Variants in HERC1 observed in about 807,000 individuals in gnomAD.
HERC1 encodes HECT and RLD domain containing E3 ubiquitin protein ligase family member 1.
In HERC1, 160 loss-of-function variants were observed where a neutral mutation model predicts 554.3. That is an observed-to-expected ratio of 0.29 (90% CI 0.25 to 0.33). The LOEUF is 0.33. Among genes scored for constraint, HERC1 ranks in the 10% least tolerant of loss-of-function variants. The pLI is 1.00. For missense variants in HERC1, 4,919 were observed against 5,918.5 expected (o/e 0.83, Z 5.54); for synonymous variants, 2,175 against 2,131.7 (o/e 1.02, Z -0.56).
intron 4 of HERC1, among the ~76,000 whole-genome samples, chr15:63,757,950 C>A (rs2075485392): frequency 6.6e-6 from 1 of 152,064 alleles, no homozygotes; most frequent in African/African-American, 2.4e-5. Context: ...CCTCGTGATC[C>A]ACCTGCCTCA....
At position 63,637,454 on chromosome 15, in the gene HERC1, C is replaced by T. The variant is rs370359120; in HGVS notation, c.12232+51G>A. ...AAGGGCAAAGGTTTGTACGACCAAA[C>T]CTACATTAGGCCTTAGGTTCTAACC... is the stretch of plus-strand genomic sequence containing the variant. On this transcript the variant is annotated intron_variant, in intron 64 of 77. Transcript: ENST00000443617. 6.7e-5 allele frequency: 100 copies of T among 1,500,498 alleles called. No individual in the cohort carries two copies. In the African/African-American group the frequency reaches 1.3e-3, roughly 19 times the overall value. 92.9% of individuals were successfully genotyped at this position (1,500,498 alleles called of 1,614,324 possible).
chr15:63,703,714 G>A (rs560808775), intron 25 of HERC1, among the ~76,000 whole-genome samples: 6 of 151,862 alleles, frequency 4.0e-5, no homozygotes, highest in East Asian at 1.9e-4. Context: ...GCGAAACCCC[G>A]TTTCTACAAA....
Position 63,626,126 on chromosome 15 carries a change from C to G in HERC1, c.13134G>C (p.Leu4378=). 6.2e-7 allele frequency: 1 copy of G among 1,613,654 alleles called. No individual in the cohort carries two copies. Among genetic ancestry groups the G allele is most frequent in the Non-Finnish European group, 8.5e-7 (1 of 1,179,790 alleles). Residue 4378 remains leucine, a synonymous_variant, in exon 71 of 78, where the codon CTG becomes CTC. Transcript: ENST00000443617. The part of the protein sequence containing the change: ...PGVSVPLQLG[L]PDTVPPQYGA... ...CATACTGGGGGGGCACTGTGTCAGG[C>G]AGGCCCAGCTGCAGAGGTACTGACA...
Position 63,677,783 on chromosome 15 carries a change from G to A in HERC1, c.7070+62C>T. ...AATACATAATTACTCACTGTCGACA[G>A]GCAATGGCCTATTTCACCATTAAAT... On this transcript the variant is annotated intron_variant, in intron 37 of 77. Coordinates refer to ENST00000443617, the MANE Select transcript of HERC1 (RefSeq NM_003922.4). This position sits in a 1 kb window ranked among gnomAD's most constrained non-coding sequence, Gnocchi z 4.4. 4 of 1,550,478 alleles carry A rather than the reference G, an allele frequency of 2.6e-6. No homozygotes were observed. The South Asian group carries it at 5.0e-5, about 19-fold the overall frequency.
intron 74 of HERC1, among the ~76,000 whole-genome samples, chr15:63,617,155 C>CCCCGCT (rs373121321): frequency 0.01 from 1,583 of 152,276 alleles, 17 homozygotes; most frequent in Middle Eastern, 0.017. Context: ...TGCTATCCCT[C>CCCCGCT]CCCGCTCCCC....
intron 1 of HERC1, among the ~76,000 whole-genome samples, chr15:63,813,056 T>C (rs1217238916): frequency 6.6e-6 from 1 of 152,182 alleles, no homozygotes; most frequent in Non-Finnish European, 1.5e-5. Context: ...ATCAACGATA[T>C]TGAGATACAT....
chr15:63,691,445 GAC>G (rs760240544), intron 31 of HERC1, among the ~76,000 whole-genome samples: 2 of 151,726 alleles, frequency 1.3e-5, no homozygotes, highest in African/African-American at 2.4e-5. Flanking sequence ...CAGCCTGGGC[GAC>G]ACAGAGAGCC....
intron 24 of HERC1, among the ~76,000 whole-genome samples, chr15:63,711,393 G>C (rs2073287250): frequency 6.6e-6 from 1 of 152,148 alleles, no homozygotes; most frequent in South Asian, 2.1e-4. Flanking sequence ...TTAACTGACA[G>C]AGAAATAAAT....
At chr15:63,615,732 G>A (rs1212167875) in intron 76 of HERC1, 36 bp downstream of exon 76, 3 of 1,530,242 alleles carry the variant, frequency 2.0e-6, no homozygotes, top group Non-Finnish European at 2.6e-6. Context: ...AGAAACCCAA[G>A]CATTCATGTG....
rs575459854 is a variant in HERC1, at chr15:63,692,274, A to T, written c.5830+137T>A. 341 of 597,240 alleles carry T rather than the reference A, an allele frequency of 5.7e-4. 3 individuals are homozygous for T. Among genetic ancestry groups the T allele is most frequent in the Non-Finnish European group, 5.7e-5 (21 of 369,378 alleles). 37.0% of individuals were successfully genotyped at this position (597,240 alleles called of 1,614,324 possible). On this transcript the variant is annotated intron_variant, in intron 31 of 77. Transcript: ENST00000443617. The surrounding 1 kb of genome is among the most constrained non-coding windows in gnomAD (Gnocchi z 4.7). ...TGAAATTAGAGTTTTCTTTTGATCA[A>T]ATAGGTACGCAGAAAATAAGAAAGA...
intron 60 of HERC1, 56 bp downstream of exon 60, chr15:63,641,414 C>A: frequency 2.7e-6 from 4 of 1,456,524 alleles, no homozygotes; most frequent in African/African-American, 2.8e-5. Context: ...AGGCTATAAT[C>A]ACATTCCAAA....
intron 1 of HERC1, among the ~76,000 whole-genome samples, chr15:63,799,712 T>C (rs375403633): frequency 7.9e-5 from 12 of 152,156 alleles, no homozygotes; most frequent in East Asian, 3.9e-4. Flanking sequence ...GACAATAAAA[T>C]GCCAAAAAAT....
intron 25 of HERC1, among the ~76,000 whole-genome samples, chr15:63,703,856 G>A (rs2072860311): frequency 6.6e-6 from 1 of 151,852 alleles, no homozygotes; most frequent in South Asian, 2.1e-4. Context: ...CCTCAGTGGT[G>A]CAGTGAGCTG....
chr15:63,794,164 C>T (rs2076738624), intron 1 of HERC1, among the ~76,000 whole-genome samples: 1 of 152,156 alleles, frequency 6.6e-6, no homozygotes, highest in Non-Finnish European at 1.5e-5. Context: ...AACATATAAC[C>T]ATAAAAATGA....
intron 2 of HERC1, among the ~76,000 whole-genome samples, chr15:63,773,357 T>A (rs2142978911): frequency 6.8e-6 from 1 of 147,084 alleles, no homozygotes; most frequent in South Asian, 2.2e-4. Context: ...GGCAGGAGAA[T>A]CGCTTGAACC....
intron 65 of HERC1, 157 bp from the exon 66 acceptor site, chr15:63,635,045 A>G (rs541311990): frequency 5.3e-5 from 27 of 505,506 alleles, no homozygotes; most frequent in Non-Finnish European, 7.4e-5. Context: ...TTTTTTTTTT[A>G]ATTTTTTTTT....
intron 16 of HERC1, 81 bp downstream of exon 16, chr15:63,729,148 AGGCTTCT>A (rs2074169091): frequency 1.7e-6 from 2 of 1,185,378 alleles, no homozygotes; most frequent in Non-Finnish European, 2.3e-6. Flanking sequence ...CCTATTCCAG[AGGCTTCT>A]GGCTCTCTTA....
chr15:63,710,209 T>C (rs2073223977), intron 24 of HERC1, among the ~76,000 whole-genome samples: 1 of 152,238 alleles, frequency 6.6e-6, no homozygotes. Context: ...GCCATCTCTC[T>C]GCAGTAAGAC....
At position 63,666,464 on chromosome 15, in the gene HERC1, C is replaced by T; in HGVS notation, c.8215G>A (p.Asp2739Asn). 2 of 1,596,706 alleles carry T rather than the reference C, an allele frequency of 1.3e-6. No homozygotes were observed. Among genetic ancestry groups the T allele is most frequent in the Non-Finnish European group, 1.7e-6 (2 of 1,169,176 alleles). The change falls in exon 41 of 78, where the codon GAC becomes AAC. Residue 2739 changes from aspartate (D) to asparagine (N), a missense_variant. By Grantham distance (23) the Asp-to-Asn change is conservative. This residue lies in a region of HERC1 where 1,963 missense variants were observed against 2,228.6 expected (regional missense o/e 0.88). Transcript: ENST00000443617. ...ARPANRTALSDPSSRLSTSPP... is the reference protein window; with the variant it reads ...ARPANRTALSNPSSRLSTSPP... ...GAAGTTGAAAGTCTACTGCTTGGGT[C>T]TGACAAGGCTGAGACAAAAGGAAGA...
Sources: allele counts gnomAD v4.1 joint callset (sites outside exome capture counted in the v4.1 genomes callset), GRCh38; gene constraint gnomAD v4.1.1; regional missense constraint gnomAD v4.1.1; non-coding constraint Gnocchi (gnomAD v3.1); transcripts MANE v1.5; gene names NCBI Gene and HGNC (gene_info 2026-07-23, HGNC 2026-07-21).